VPS13B: variants seen among roughly 807,000 people sequenced by gnomAD.
VPS13B encodes vacuolar protein sorting 13 homolog B.
In VPS13B, 285 loss-of-function variants were observed where a neutral mutation model predicts 426.4. The observed-to-expected ratio is 0.67, with a 90% confidence interval of 0.61 to 0.74. VPS13B has a LOEUF of 0.74. VPS13B is among the 30% of genes least tolerant of loss of function. The pLI is 0.00. For missense variants in VPS13B, 4,537 were observed against 4,782.6 expected, an observed-to-expected ratio of 0.95 and a Z score of 1.51; for synonymous variants, 1,676 against 1,676.4, an observed-to-expected ratio of 1.00 and a Z score of 0.01.
chr8:99,620,334 T>G lies in VPS13B; in HGVS notation c.5221-21477T>G, dbSNP rs541932015. Among the ~76,000 whole-genome samples the G allele has an allele frequency of 2.6e-5, 4 of 152,324 alleles. No homozygotes were observed. In the East Asian group the frequency reaches 7.7e-4, roughly 29 times the overall value. On this transcript the variant is annotated intron_variant, in intron 33 of 61. Transcript: ENST00000357162. ...TCCTCTTATGTCCCAAGCATTCCAT[T>G]TCTTTATGAGGAAATACGCAGTCTA...
At chr8:99,066,435 A>C (rs1012026630) in intron 3 of VPS13B, among the ~76,000 whole-genome samples, 17 of 152,210 alleles carry the variant, frequency 1.1e-4, no homozygotes, top group Non-Finnish European at 1.5e-4. Flanking sequence ...GTGGTGGGAA[A>C]ACTGGCTAGC....
chr8:99,162,394 G>A (rs887121355), intron 15 of VPS13B, among the ~76,000 whole-genome samples: 1 of 152,212 alleles, frequency 6.6e-6, no homozygotes, highest in Non-Finnish European at 1.5e-5. Flanking sequence ...AACCTTGGCT[G>A]TATTGGCTAT....
chr8:99,609,379 CATTTT>C (rs1401947987), intron 33 of VPS13B, among the ~76,000 whole-genome samples: 2 of 152,160 alleles, frequency 1.3e-5, no homozygotes, highest in South Asian at 4.2e-4. Context: ...CATAATGACT[CATTTT>C]AGTTTTCAAA....
intron 31 of VPS13B, among the ~76,000 whole-genome samples, chr8:99,560,702 T>C (rs755938300): frequency 3.9e-5 from 6 of 152,140 alleles, no homozygotes; most frequent in Non-Finnish European, 8.8e-5. Flanking sequence ...GGGAAGTGAA[T>C]ATTTTCATCA....
Position 99,419,908 on chromosome 8 carries a change from C to T in VPS13B, c.3083-11629C>T, listed in dbSNP as rs1482444522. Among the ~76,000 whole-genome samples, 6 of 152,124 alleles carry T rather than the reference C, an allele frequency of 3.9e-5. No homozygotes were observed. The East Asian group carries it at 1.2e-3, about 29-fold the overall frequency. On this transcript the variant is annotated intron_variant, in intron 21 of 61. Transcript: ENST00000357162. ...AATAGATAAAAGAAACATGAATTCT[C>T]CTTTCAGCAAAACAAACACTCTGTT...
intron 22 of VPS13B, among the ~76,000 whole-genome samples, chr8:99,440,304 A>G (rs1451794749): frequency 6.6e-6 from 1 of 152,130 alleles, no homozygotes; most frequent in East Asian, 1.9e-4. Context: ...GATGGTTTCC[A>G]TGAACATGAT....
intron 17 of VPS13B, among the ~76,000 whole-genome samples, chr8:99,249,568 C>T (rs1588173475): frequency 6.6e-6 from 1 of 151,944 alleles, no homozygotes; most frequent in East Asian, 1.9e-4. Context: ...GGACTACAGA[C>T]ACCCGCCACC....
At chr8:99,457,481 A>T (rs1211101021) in intron 23 of VPS13B, among the ~76,000 whole-genome samples, 1 of 151,976 alleles carries the variant, frequency 6.6e-6, no homozygotes, top group African/African-American at 2.4e-5. Flanking sequence ...GGTAATTGTG[A>T]CTTATCCCTT....
intron 3 of VPS13B, among the ~76,000 whole-genome samples, chr8:99,079,583 C>A (rs1490505337): frequency 6.6e-6 from 1 of 151,706 alleles, no homozygotes; most frequent in Admixed American, 6.6e-5. Flanking sequence ...TTTATTTCTC[C>A]TTGTGTATAG....
chr8:99,561,880 T>C (rs558637456), intron 31 of VPS13B, among the ~76,000 whole-genome samples: 54 of 152,318 alleles, frequency 3.5e-4, no homozygotes, highest in Non-Finnish European at 6.0e-4. Flanking sequence ...AATGTTGCTA[T>C]GGATATTGCT....
intron 16 of VPS13B, among the ~76,000 whole-genome samples, chr8:99,171,932 T>C (rs1471698772): frequency 6.6e-6 from 1 of 152,108 alleles, no homozygotes; most frequent in African/African-American, 2.4e-5. Context: ...GCAGACAGTT[T>C]CCCTGGGACG....
At chr8:99,174,684 T>A (rs977501986) in intron 16 of VPS13B, among the ~76,000 whole-genome samples, 3 of 152,226 alleles carry the variant, frequency 2.0e-5, no homozygotes, top group Non-Finnish European at 4.4e-5. Flanking sequence ...ATATATGATT[T>A]GCAAGTATTT....
chr8:99,221,568 A>G (rs931311783), intron 17 of VPS13B, among the ~76,000 whole-genome samples: 3 of 152,252 alleles, frequency 2.0e-5, no homozygotes, highest in African/African-American at 7.2e-5. Context: ...AAAAAAACAT[A>G]CATCTAAATG....
intron 11 of VPS13B, 31 bp from the exon 12 acceptor site, chr8:99,136,634 G>C: frequency 6.2e-7 from 1 of 1,611,096 alleles, no homozygotes; most frequent in Non-Finnish European, 8.5e-7. Flanking sequence ...TTTATACAAT[G>C]TTTATTCTGT....
chr8:99,602,375 G>T (rs1214477046), intron 33 of VPS13B, among the ~76,000 whole-genome samples: 1 of 152,172 alleles, frequency 6.6e-6, no homozygotes, highest in Non-Finnish European at 1.5e-5. Flanking sequence ...TTTGGTACCA[G>T]TACCATGCTG....
intron 30 of VPS13B, among the ~76,000 whole-genome samples, chr8:99,537,971 C>G (rs1588473892): frequency 6.6e-6 from 1 of 152,058 alleles, no homozygotes; most frequent in East Asian, 1.9e-4. Flanking sequence ...GAAAATCGAC[C>G]TAGTGATTGT....
intron 19 of VPS13B, among the ~76,000 whole-genome samples, chr8:99,378,575 T>G (rs1222630702): frequency 1.3e-5 from 2 of 152,206 alleles, no homozygotes; most frequent in Non-Finnish European, 2.9e-5. Context: ...TAAGAAATTA[T>G]AAAAGTATTA....
chr8:99,609,907 G>A (rs1445971047), intron 33 of VPS13B, among the ~76,000 whole-genome samples: 1 of 152,186 alleles, frequency 6.6e-6, no homozygotes, highest in Non-Finnish European at 1.5e-5. Context: ...TCAACAGGGT[G>A]AAAAACACAA....
At chr8:99,343,394 G>A (rs1811361233) in intron 19 of VPS13B, among the ~76,000 whole-genome samples, 1 of 152,046 alleles carries the variant, frequency 6.6e-6, no homozygotes, top group East Asian at 1.9e-4. Context: ...CCGGCTGATT[G>A]CCCATTTTTC....
Sources: allele counts gnomAD v4.1 joint callset (sites outside exome capture counted in the v4.1 genomes callset), GRCh38; gene constraint gnomAD v4.1.1; transcripts MANE v1.5; gene names NCBI Gene and HGNC (gene_info 2026-07-23, HGNC 2026-07-21).